The following FRS2 variants were observed in gnomAD, a reference collection of about 807,000 sequenced individuals.
FRS2 encodes FGFR signalling adaptor.
In FRS2, 8 loss-of-function variants were observed where a neutral mutation model predicts 43.9. That is an observed-to-expected ratio of 0.18 (90% CI 0.11 to 0.33). The LOEUF (loss-of-function observed/expected upper bound fraction) is 0.33, where lower values mean the gene tolerates loss of function less well. Among genes scored for constraint, FRS2 ranks in the 10% least tolerant of loss-of-function variants. The pLI is 1.00. For missense variants in FRS2, 534 were observed against 627.6 expected (o/e 0.85, Z 1.59); for synonymous variants, 219 against 220.3 (o/e 0.99, Z 0.05).
At chr12:69,516,175 A>G (rs999936638) in intron 1 of FRS2, among the ~76,000 whole-genome samples, 1 of 151,556 alleles carries the variant, frequency 6.6e-6, no homozygotes, top group South Asian at 2.1e-4. Context: ...ATGGGCAGAT[A>G]TATTTTTGTA....
intron 1 of FRS2, among the ~76,000 whole-genome samples, chr12:69,527,347 T>TTTTTTTTTTTAATGA (rs1876359586): frequency 1.5e-5 from 2 of 132,508 alleles, no homozygotes; most frequent in Admixed American, 1.5e-4. Context: ...TTAATGATTT[T>TTTTTTTTTTTAATGA]TTTTTTTTTT....
In FRS2 at chr12:69,575,501, A is replaced by G. The variant is rs1881133309; in HGVS notation, c.*546A>G. ...TACCGCACCTCCTCTTACACCAGTC[A>G]GCTCCTTTGCCTTCAGTGTTACTAG... is the stretch of plus-strand genomic sequence containing the variant. On this transcript the variant is annotated 3_prime_UTR_variant, in exon 9 of 9. Coordinates refer to ENST00000549921, the MANE Select transcript of FRS2 (RefSeq NM_001278356.2). The G allele has an allele frequency of 6.5e-6, 1 of 152,990 alleles. No individual in the cohort carries two copies. The highest frequency in any genetic ancestry group is 2.4e-5 in the African/African-American group (1 of 41,468). 9.5% of individuals were successfully genotyped at this position (152,990 alleles called of 1,614,324 possible).
At chr12:69,549,373 T>G (rs1878677425) in intron 3 of FRS2, among the ~76,000 whole-genome samples, 1 of 152,238 alleles carries the variant, frequency 6.6e-6, no homozygotes, top group African/African-American at 2.4e-5. Flanking sequence ...TTGTTGTGTC[T>G]TTTTGTTCCC....
intron 3 of FRS2, among the ~76,000 whole-genome samples, chr12:69,545,779 CAAAAA>C (rs1565763200): frequency 9.2e-6 from 1 of 108,230 alleles, no homozygotes; most frequent in Non-Finnish European, 1.9e-5. Flanking sequence ...AAAAAAAAAA[CAAAAA>C]CAAAAACCCA....
Position 69,574,210 on chromosome 12 carries a change from A to G in FRS2, c.782A>G (p.Gln261Arg). The G allele has an allele frequency of 6.2e-7, 1 of 1,614,246 alleles. No homozygotes were observed. Among genetic ancestry groups the G allele is most frequent in the Non-Finnish European group, 8.5e-7 (1 of 1,180,032 alleles). Residue 261 changes from glutamine (Q) to arginine (R), a missense_variant, in exon 9 of 9, where the codon CAG (glutamine) becomes CGG (arginine). This residue lies in a region of FRS2 where 446 missense variants were observed against 494.2 expected (regional missense o/e 0.90). Coordinates refer to ENST00000549921, the MANE Select transcript of FRS2 (RefSeq NM_001278356.2). Reference protein sequence around the residue: ...FVLGPTPVQKQLMEKEKLEQL... With the variant: ...FVLGPTPVQKRLMEKEKLEQL... Reference sequence around the variant, plus strand: ...TTAGGGCCAACCCCTGTTCAAAAGCAGTTAATGGAAAAAGAGAAACTGGAG... The same window carrying G: ...TTAGGGCCAACCCCTGTTCAAAAGCGGTTAATGGAAAAAGAGAAACTGGAG...
chr12:69,498,537 G>GTGTGTGTGTGTGTA (rs1873125455), intron 1 of FRS2, among the ~76,000 whole-genome samples: 1 of 151,822 alleles, frequency 6.6e-6, no homozygotes, highest in South Asian at 2.1e-4. Flanking sequence ...GTGTGTGTGT[G>GTGTGTGTGTGTGTA]TGTGTGTGTG....
At chr12:69,567,131 T>C (rs117512933) in intron 4 of FRS2, among the ~76,000 whole-genome samples, 106 of 152,276 alleles carry the variant, frequency 7.0e-4, no homozygotes, top group Non-Finnish European at 1.2e-3. Flanking sequence ...TATCCTAATA[T>C]AAGGTTTATC....
At chr12:69,563,814 C>T (rs948022547) in intron 4 of FRS2, among the ~76,000 whole-genome samples, 11 of 152,108 alleles carry the variant, frequency 7.2e-5, no homozygotes, top group Admixed American at 5.9e-4. Flanking sequence ...TTTCTATATT[C>T]GACCCACCCT....
chr12:69,518,972 G>T (rs568784545), intron 1 of FRS2, among the ~76,000 whole-genome samples: 250 of 149,004 alleles, frequency 1.7e-3, no homozygotes, highest in Admixed American at 4.2e-3. Context: ...CTCCAGCCTT[G>T]GCAACAAGAA....
intron 1 of FRS2, among the ~76,000 whole-genome samples, chr12:69,487,228 C>T (rs1872038687): frequency 6.6e-6 from 1 of 152,172 alleles, no homozygotes; most frequent in Non-Finnish European, 1.5e-5. Flanking sequence ...GTTGAAACAG[C>T]TTTCTATTGC....
chr12:69,553,232 C>T (rs1438228360), intron 3 of FRS2, among the ~76,000 whole-genome samples: 2 of 151,728 alleles, frequency 1.3e-5, no homozygotes, highest in East Asian at 1.9e-4. Context: ...CCTCCACGCC[C>T]GGCTAATTTT....
At chr12:69,556,497 T>G (rs1294573243) in intron 3 of FRS2, among the ~76,000 whole-genome samples, 2 of 152,124 alleles carry the variant, frequency 1.3e-5, no homozygotes, top group Non-Finnish European at 2.9e-5. Context: ...CGCACCCGGC[T>G]AATTTTTGTA....
intron 3 of FRS2, among the ~76,000 whole-genome samples, chr12:69,556,833 G>A (rs1485355798): frequency 1.3e-5 from 2 of 152,112 alleles, no homozygotes; most frequent in Non-Finnish European, 2.9e-5. Context: ...AAAAAATAAA[G>A]CCATGAAGCC....
At chr12:69,516,657 A>G (rs867874093) in intron 1 of FRS2, among the ~76,000 whole-genome samples, 1 of 152,006 alleles carries the variant, frequency 6.6e-6, no homozygotes, top group South Asian at 2.1e-4. Flanking sequence ...TAAATATTAA[A>G]TTGTCAACAT....
intron 1 of FRS2, among the ~76,000 whole-genome samples, chr12:69,505,608 T>C (rs892200260): frequency 4.6e-5 from 7 of 152,228 alleles, no homozygotes; most frequent in African/African-American, 1.7e-4. Flanking sequence ...TGGAACTATG[T>C]TTCTGCCAAT....
At chr12:69,490,728 C>A (rs570831198) in intron 1 of FRS2, among the ~76,000 whole-genome samples, 7 of 152,054 alleles carry the variant, frequency 4.6e-5, no homozygotes, top group Non-Finnish European at 7.4e-5. Context: ...TATTTCTTGA[C>A]TTCTTATATT....
At chr12:69,474,695 A>T (rs534246269) in intron 1 of FRS2, among the ~76,000 whole-genome samples, 1 of 152,264 alleles carries the variant, frequency 6.6e-6, no homozygotes, top group South Asian at 2.1e-4. Context: ...AGAGTGTCAG[A>T]TTTGGTTACT....
intron 3 of FRS2, among the ~76,000 whole-genome samples, chr12:69,536,421 C>T (rs930888971): frequency 6.6e-6 from 1 of 151,820 alleles, no homozygotes; most frequent in Non-Finnish European, 1.5e-5. Context: ...CCGCACCCGG[C>T]CAGTATTTTC....
intron 4 of FRS2, among the ~76,000 whole-genome samples, chr12:69,565,269 C>A (rs2135789135): frequency 6.6e-6 from 1 of 152,222 alleles, no homozygotes; most frequent in East Asian, 1.9e-4. Flanking sequence ...AAGGCACTTG[C>A]CGTGGATGGA....
Sources: gnomAD v4.1 joint callset for allele counts (sites outside exome capture counted in the v4.1 genomes callset) on GRCh38, gnomAD v4.1.1 for gene constraint, gnomAD v4.1.1 regional missense constraint, MANE v1.5 for transcripts, NCBI Gene and HGNC (gene_info 2026-07-23, HGNC 2026-07-21) for gene names.